CAMK1D: variants seen among roughly 807,000 people sequenced by gnomAD.
The protein encoded by CAMK1D is calcium/calmodulin-dependent protein kinase type 1D.
A neutral mutation model predicts 47.7 loss-of-function variants in CAMK1D; 9 were observed. That is an observed-to-expected ratio of 0.19 (90% CI 0.11 to 0.33). The LOEUF (loss-of-function observed/expected upper bound fraction) is 0.33. Ranked by LOEUF, CAMK1D falls within the 10% of genes least tolerant of loss-of-function variation. The pLI is 1.00. For missense variants in CAMK1D, 291 were observed against 488.7 expected, an observed-to-expected ratio of 0.60 and a Z score of 3.81; for synonymous variants, 184 against 184.9, an observed-to-expected ratio of 0.99 and a Z score of 0.04.
At chr10:12,351,258 T>C (rs1209021166) in intron 1 of CAMK1D, among the ~76,000 whole-genome samples, 1 of 152,172 alleles carries the variant, frequency 6.6e-6, no homozygotes, top group East Asian at 1.9e-4. Context: ...AGGGCACCTA[T>C]TTGCTATCTT....
At chr10:12,458,693 A>C (rs951147492) in intron 1 of CAMK1D, among the ~76,000 whole-genome samples, 1 of 152,100 alleles carries the variant, frequency 6.6e-6, no homozygotes. Context: ...TCAGCCTCCT[A>C]AAGTGTCAGG....
At chr10:12,642,022 C>T (rs893951940) in intron 2 of CAMK1D, among the ~76,000 whole-genome samples, 3 of 146,804 alleles carry the variant, frequency 2.0e-5, no homozygotes, top group Non-Finnish European at 4.4e-5. Flanking sequence ...CCAGCTAGGG[C>T]GACAGAGTGA....
intron 1 of CAMK1D, among the ~76,000 whole-genome samples, chr10:12,497,642 T>A (rs1834581971): frequency 1.3e-5 from 2 of 152,230 alleles, no homozygotes; most frequent in African/African-American, 4.8e-5. Flanking sequence ...TTGAATTTTA[T>A]GTCTGTATCC....
chr10:12,761,946 G>A (rs1836531474), intron 4 of CAMK1D, among the ~76,000 whole-genome samples: 1 of 152,140 alleles, frequency 6.6e-6, no homozygotes, highest in Non-Finnish European at 1.5e-5. Context: ...TTCCTAATGA[G>A]GTTTTGGTAT....
In CAMK1D at chr10:12,541,885, T is replaced by TCCTTCCTTCCTTCCTTCCTTCCTTC. The variant is rs141080777; in HGVS notation, c.93-11336_93-11335insCCTTCCTTCCTTCCTTCCTTCCCTT. On this transcript the variant is annotated intron_variant, in intron 1 of 10. Coordinates refer to ENST00000619168, the MANE Select transcript of CAMK1D (RefSeq NM_153498.4). ...TTCCTTCCTTCCTTCCTTCCTTCCT[T>TCCTTCCTTCCTTCCTTCCTTCCTTC]CCTTTTTTTTTTTCAGGTCTCTCTT... Among the ~76,000 whole-genome samples, 143 of 142,816 alleles carry TCCTTCCTTCCTTCCTTCCTTCCTTC rather than the reference T, an allele frequency of 1.0e-3. 1 individual carries two copies. In the East Asian group the frequency reaches 0.016, roughly 16 times the overall value. 93.7% of individuals were successfully genotyped at this position (142,816 alleles called of 152,430 possible).
intron 4 of CAMK1D, among the ~76,000 whole-genome samples, chr10:12,764,621 G>A (rs1322628799): frequency 1.3e-5 from 2 of 152,104 alleles, no homozygotes; most frequent in Non-Finnish European, 2.9e-5. Flanking sequence ...TAAAAAATCA[G>A]AAACAACAGC....
chr10:12,641,128 C>T (rs1839653864), intron 2 of CAMK1D, among the ~76,000 whole-genome samples: 2 of 151,904 alleles, frequency 1.3e-5, no homozygotes, highest in African/African-American at 4.8e-5. Context: ...TGCCACATGC[C>T]CTGCTAATTT....
At chr10:12,473,526 T>C (rs1833811635) in intron 1 of CAMK1D, among the ~76,000 whole-genome samples, 1 of 152,188 alleles carries the variant, frequency 6.6e-6, no homozygotes, top group Non-Finnish European at 1.5e-5. Flanking sequence ...ATTAATTCAC[T>C]CAATCCTTAT....
intron 5 of CAMK1D, among the ~76,000 whole-genome samples, chr10:12,781,949 G>A (rs1837515674): frequency 6.6e-6 from 1 of 150,794 alleles, no homozygotes; most frequent in South Asian, 2.1e-4. Flanking sequence ...TGCCTGGCCT[G>A]GTGATATGTT....
intron 1 of CAMK1D, among the ~76,000 whole-genome samples, chr10:12,552,581 G>A (rs1836620208): frequency 2.0e-5 from 3 of 152,302 alleles, no homozygotes; most frequent in South Asian, 2.1e-4. Flanking sequence ...TTCTGTAGGA[G>A]GAACCTCTTG....
At chr10:12,514,667 T>C (rs775054294) in intron 1 of CAMK1D, among the ~76,000 whole-genome samples, 1 of 152,264 alleles carries the variant, frequency 6.6e-6, no homozygotes, top group Non-Finnish European at 1.5e-5. Flanking sequence ...TTCCCTGATG[T>C]AGGTTTTACA....
intron 2 of CAMK1D, among the ~76,000 whole-genome samples, chr10:12,589,665 C>T (rs1375849762): frequency 6.6e-6 from 1 of 152,170 alleles, no homozygotes; most frequent in Admixed American, 6.5e-5. Context: ...TAAAAATCAG[C>T]TCCTCCAACA....
rs1157594613 is a variant in CAMK1D at position 12,514,234 on chromosome 10, C to G, written c.93-38991C>G. ...TATGAGGCAAGAGGGTGATGGAACA[C>G]GTTATAGATTGCTAGCACACTGCTA... On this transcript the variant is annotated intron_variant, in intron 1 of 10. Transcript: ENST00000619168. Among the ~76,000 whole-genome samples the G allele has an allele frequency of 2.6e-5, 4 of 152,288 alleles. No individual in the cohort carries two copies. In the South Asian group the frequency reaches 8.3e-4, roughly 32 times the overall value.
At chr10:12,481,074 CA>C (rs1376069441) in intron 1 of CAMK1D, among the ~76,000 whole-genome samples, 1 of 152,116 alleles carries the variant, frequency 6.6e-6, no homozygotes, top group African/African-American at 2.4e-5. Context: ...GAAAGGCCAC[CA>C]GGTTAGGAGG....
intron 2 of CAMK1D, among the ~76,000 whole-genome samples, chr10:12,591,236 C>A (rs576618691): frequency 6.6e-6 from 1 of 152,306 alleles, no homozygotes; most frequent in African/African-American, 2.4e-5. Flanking sequence ...TCTGCAGCAG[C>A]CAGTCCAGGA....
chr10:12,682,559 A>G (rs565472647), intron 3 of CAMK1D, among the ~76,000 whole-genome samples: 1 of 152,366 alleles, frequency 6.6e-6, no homozygotes, highest in South Asian at 2.1e-4. Context: ...TGCTGTGAAT[A>G]TAGATATTGC....
chr10:12,715,145 T>C (rs987978701), intron 3 of CAMK1D, among the ~76,000 whole-genome samples: 9 of 152,210 alleles, frequency 5.9e-5, no homozygotes, highest in Non-Finnish European at 8.8e-5. Flanking sequence ...TTCTACTCTC[T>C]ACCTCCTTGA....
intron 2 of CAMK1D, among the ~76,000 whole-genome samples, chr10:12,595,342 G>GAAAAA (rs535214333): frequency 0.15 from 3,597 of 23,474 alleles, 1,268 homozygotes; most frequent in South Asian, 0.34. Context: ...AACTCCATCT[G>GAAAAA]AAAAAAAAAA....
chr10:12,564,260 T>C (rs1180615019), intron 2 of CAMK1D, among the ~76,000 whole-genome samples: 1 of 151,888 alleles, frequency 6.6e-6, no homozygotes, highest in East Asian at 1.9e-4. Flanking sequence ...CAAGTAGGCC[T>C]GAGATGGACT....
Sources: allele counts gnomAD v4.1 joint callset (sites outside exome capture counted in the v4.1 genomes callset), GRCh38; gene constraint gnomAD v4.1.1; transcripts MANE v1.5; gene names NCBI Gene and HGNC (gene_info 2026-07-23, HGNC 2026-07-21).